Variants in FBXL17 observed in about 807,000 individuals in gnomAD.
FBXL17 encodes F-box/LRR-repeat protein 17.
A neutral mutation model predicts 66.2 loss-of-function variants in FBXL17; 22 were observed. The observed-to-expected ratio is 0.33, with a 90% CI of 0.24 to 0.47. FBXL17 has a LOEUF of 0.47. FBXL17 is among the 20% of genes least tolerant of loss of function. The pLI, the probability that FBXL17 is intolerant of heterozygous loss-of-function variation, is 1.00. For missense variants in FBXL17, 878 were observed against 948.2 expected (o/e 0.93, Z 0.97); for synonymous variants, 474 against 400.5 (o/e 1.18, Z -2.19).
At chr5:108,090,696 T>A (rs967131933) in intron 6 of FBXL17, among the ~76,000 whole-genome samples, 8 of 152,222 alleles carry the variant, frequency 5.3e-5, no homozygotes, top group Admixed American at 6.5e-5. Flanking sequence ...TTTTTAAAAA[T>A]TTATTTCAAC....
intron 5 of FBXL17, among the ~76,000 whole-genome samples, chr5:108,209,520 G>A (rs543316321): frequency 2.0e-5 from 3 of 152,212 alleles, no homozygotes; most frequent in Non-Finnish European, 4.4e-5. Flanking sequence ...TTAACATGAA[G>A]GGGTGTTGAA....
chr5:108,265,057 T>A (rs1162064628), intron 4 of FBXL17, among the ~76,000 whole-genome samples: 1 of 152,070 alleles, frequency 6.6e-6, no homozygotes, highest in Non-Finnish European at 1.5e-5. Context: ...CAAAAATCTT[T>A]AAAAGAAGCA....
intron 8 of FBXL17, among the ~76,000 whole-genome samples, chr5:107,863,394 C>G (rs1283364142): frequency 6.6e-6 from 1 of 151,250 alleles, no homozygotes; most frequent in Non-Finnish European, 1.5e-5. Context: ...CCCTGGAATA[C>G]TTTTTGCCCC....
chr5:108,210,617 G>A (rs901016155), intron 5 of FBXL17, among the ~76,000 whole-genome samples: 12 of 152,132 alleles, frequency 7.9e-5, no homozygotes, highest in Admixed American at 4.6e-4. Context: ...GTAGTTGTGC[G>A]GTTTTGAGTG....
intron 4 of FBXL17, among the ~76,000 whole-genome samples, chr5:108,294,238 C>A (rs1207452949): frequency 7.1e-6 from 1 of 141,040 alleles, no homozygotes; most frequent in Non-Finnish European, 1.5e-5. Context: ...TATATATATT[C>A]TTACTGAATA....
chr5:108,088,741 A>G (rs997661294), intron 6 of FBXL17, among the ~76,000 whole-genome samples: 2 of 113,452 alleles, frequency 1.8e-5, no homozygotes, highest in Admixed American at 2.0e-4. Flanking sequence ...AAAAAAAAAG[A>G]TACCTGTATA....
rs148495997 is a variant in FBXL17, at chr5:108,106,507, T to C, written c.1745+79610A>G. On this transcript the variant is annotated intron_variant, in intron 6 of 8. Coordinates refer to ENST00000542267, the MANE Select transcript of FBXL17 (RefSeq NM_001163315.3). ...AAAGTAGCAACAACCAGAATGTCTA[T>C]CAACTAATGAACAGATGTGGTGTAT... is the stretch of plus-strand genomic sequence containing the variant. 2.4e-4 allele frequency among the ~76,000 whole-genome samples: 37 copies of C among 152,318 alleles called. No homozygotes were observed. In the East Asian group the frequency reaches 5.6e-3, roughly 23 times the overall value.
intron 7 of FBXL17, among the ~76,000 whole-genome samples, chr5:107,999,087 C>A (rs1234503374): frequency 3.9e-5 from 6 of 152,154 alleles, no homozygotes; most frequent in Non-Finnish European, 8.8e-5. Context: ...CTTGGGAGGA[C>A]CTTGTCTATA....
Position 107,917,723 on chromosome 5 carries a change from T to G in FBXL17, c.1823-36544A>C, listed in dbSNP as rs547755129. On this transcript the variant is annotated intron_variant, in intron 7 of 8. Coordinates refer to ENST00000542267, the MANE Select transcript of FBXL17 (RefSeq NM_001163315.3). ...AGCTTGGCTTTCATTTTGCTAAAGA[T>G]GCTCCCTTTCATATTTAATCAATGA... is the stretch of plus-strand genomic sequence containing the variant. Among the ~76,000 whole-genome samples the G allele has an allele frequency of 5.9e-5, 9 of 152,358 alleles. No individual in the cohort carries two copies. The South Asian group carries it at 1.2e-3, about 21-fold the overall frequency.
At chr5:108,150,778 T>C (rs1751740290) in intron 6 of FBXL17, among the ~76,000 whole-genome samples, 1 of 152,210 alleles carries the variant, frequency 6.6e-6, no homozygotes, top group South Asian at 2.1e-4. Flanking sequence ...TGAAGGCACA[T>C]AATAACGATT....
chr5:108,105,094 G>A lies in FBXL17; in HGVS notation c.1745+81023C>T, dbSNP rs535011188. 9.2e-5 allele frequency among the ~76,000 whole-genome samples: 14 copies of A among 152,242 alleles called. No homozygotes were observed. In the South Asian group the frequency reaches 2.3e-3, roughly 25 times the overall value. On this transcript the variant is annotated intron_variant, in intron 6 of 8. Coordinates refer to ENST00000542267, the MANE Select transcript of FBXL17 (RefSeq NM_001163315.3). The stretch of plus-strand genomic sequence containing the variant: ...CTGACCTTGTGATCCGCCCGCCTCG[G>A]CCTCCCGAAGTGCTGGGATTACAGG...
At chr5:108,033,913 T>C (rs543372230) in intron 6 of FBXL17, among the ~76,000 whole-genome samples, 28 of 152,286 alleles carry the variant, frequency 1.8e-4, no homozygotes, top group Admixed American at 9.8e-4. Flanking sequence ...AACTAGAAAT[T>C]GGGTAATATT....
At chr5:108,141,323 C>T (rs137882274) in intron 6 of FBXL17, among the ~76,000 whole-genome samples, 1 of 152,294 alleles carries the variant, frequency 6.6e-6, no homozygotes, top group East Asian at 1.9e-4. Context: ...CCCCAACACA[C>T]ACACAGACCC....
At chr5:108,032,739 C>T (rs1005471302) in intron 6 of FBXL17, among the ~76,000 whole-genome samples, 2 of 152,100 alleles carry the variant, frequency 1.3e-5, no homozygotes, top group South Asian at 4.1e-4. Flanking sequence ...GGACTTCTGT[C>T]CTTCACTATT....
At position 108,088,470 on chromosome 5, in the gene FBXL17, G is replaced by A. The variant is rs544559315; in HGVS notation, c.1746-67469C>T. ...ACTTTCCAGCACTCTGGGAGGCCAA[G>A]TCGGGGGGAACATGAGGTCAGGAGA... is the stretch of plus-strand genomic sequence containing the variant. On this transcript the variant is annotated intron_variant, in intron 6 of 8. Coordinates refer to ENST00000542267, the MANE Select transcript of FBXL17 (RefSeq NM_001163315.3). Among the ~76,000 whole-genome samples the A allele has an allele frequency of 8.8e-4, 134 of 152,016 alleles. 1 individual carries two copies. In the South Asian group the frequency reaches 0.023, roughly 26 times the overall value.
intron 6 of FBXL17, among the ~76,000 whole-genome samples, chr5:108,063,102 T>C (rs1747986603): frequency 6.6e-6 from 1 of 152,216 alleles, no homozygotes; most frequent in Admixed American, 6.5e-5. Flanking sequence ...AAGTAGTTTA[T>C]ACCCAAGCAT....
intron 4 of FBXL17, among the ~76,000 whole-genome samples, chr5:108,310,099 A>G (rs1024279644): frequency 6.6e-6 from 1 of 152,154 alleles, no homozygotes; most frequent in African/African-American, 2.4e-5. Context: ...CTTTCTTTAA[A>G]TAATTCTATT....
intron 6 of FBXL17, among the ~76,000 whole-genome samples, chr5:108,044,039 T>C (rs1168600843): frequency 6.6e-6 from 1 of 152,236 alleles, no homozygotes; most frequent in Non-Finnish European, 1.5e-5. Context: ...TGTATGTTTA[T>C]CTTTTATCCT....
At position 107,859,945 on chromosome 5, in the gene FBXL17, T is replaced by A; in HGVS notation, c.*1775A>T. 1 of 152,168 alleles carries A rather than the reference T, an allele frequency of 6.6e-6. No individual in the cohort carries two copies. The highest frequency in any genetic ancestry group is 1.9e-4 in the East Asian group (1 of 5,198). The allele number at this position is 152,168 out of a possible 1,614,324, so 9.4% of individuals were successfully genotyped here. A position where few individuals can be genotyped will look rare whatever the true frequency, so the allele number is the denominator to read the frequency against. Reference sequence around the variant, plus strand: ...TCAATGTGTAAGAAGAAATATAGTTTATTAATGTTAAACAGCTTTTTTCTT... The same window carrying A: ...TCAATGTGTAAGAAGAAATATAGTTAATTAATGTTAAACAGCTTTTTTCTT... On this transcript the variant is annotated 3_prime_UTR_variant, in exon 9 of 9. Transcript: ENST00000542267.
Sources: gnomAD v4.1 joint callset for allele counts (sites outside exome capture counted in the v4.1 genomes callset) on GRCh38, gnomAD v4.1.1 for gene constraint, MANE v1.5 for transcripts, NCBI Gene and HGNC (gene_info 2026-07-23, HGNC 2026-07-21) for gene names.